Variants in CASZ1 observed in about 807,000 individuals in gnomAD.
CASZ1 encodes castor zinc finger 1.
Under a neutral mutation model 135.2 loss-of-function variants are expected in CASZ1, and 28 were observed. The ratio of observed to expected loss-of-function variants is 0.21; its 90% CI spans 0.15 to 0.28. The LOEUF (loss-of-function observed/expected upper bound fraction) is 0.28, where lower values mean the gene tolerates loss of function less well. CASZ1 is among the 10% of genes least tolerant of loss of function. The probability of loss-of-function intolerance (pLI) is 1.00; values close to 1 mark genes in which losing one functional copy is unlikely to be tolerated. For missense variants in CASZ1, 2,161 were observed against 2,453.3 expected (o/e 0.88, Z 2.52); for synonymous variants, 1,068 against 1,073.4 (o/e 0.99, Z 0.10).
intron 5 of CASZ1, among the ~76,000 whole-genome samples, chr1:10,663,782 G>A (rs765882420): frequency 4.6e-5 from 7 of 152,224 alleles, no homozygotes; most frequent in Non-Finnish European, 8.8e-5. Context: ...TCCCAGTGTC[G>A]GGCTGAGGGG....
In CASZ1 at chr1:10,747,819, T is replaced by A. The variant is rs950243295; in HGVS notation, c.-77+12882A>T. Among the ~76,000 whole-genome samples the A allele has an allele frequency of 1.5e-5, 1 of 68,624 alleles. No individual in the cohort carries two copies. Among genetic ancestry groups the A allele is most frequent in the Non-Finnish European group, 2.9e-5 (1 of 34,998 alleles). The allele number at this position is 68,624 out of a possible 152,430, so 45.0% of individuals were successfully genotyped here. A position where few individuals can be genotyped will look rare whatever the true frequency, so the allele number is the denominator to read the frequency against. ...GTACACTGTGCTCACCTGCCTGACT[T>A]TTTTTTTTTTTTTTTGAGATGGAGT... On this transcript the variant is annotated intron_variant, in intron 2 of 20. Transcript: ENST00000377022. The surrounding 1 kb of genome is among the most constrained non-coding windows in gnomAD (Gnocchi z 4.3).
intron 1 of CASZ1, among the ~76,000 whole-genome samples, chr1:10,783,114 G>A (rs1024339399): frequency 3.3e-5 from 5 of 152,282 alleles, no homozygotes; most frequent in South Asian, 4.1e-4. Context: ...CAACACACAC[G>A]GCCCTCCCGG....
chr1:10,792,564 C>T (rs1440986179), intron 1 of CASZ1, among the ~76,000 whole-genome samples: 1 of 151,920 alleles, frequency 6.6e-6, no homozygotes, highest in Admixed American at 6.6e-5. Flanking sequence ...AATGCAATCG[C>T]TTTGTATCAT....
intron 1 of CASZ1, among the ~76,000 whole-genome samples, chr1:10,763,923 C>T (rs928616778): frequency 6.6e-6 from 1 of 152,272 alleles, no homozygotes; most frequent in Non-Finnish European, 1.5e-5. Context: ...AGTGCAGTGG[C>T]GCAATCTCGG....
At chr1:10,734,494 G>A (rs1350809981) in intron 2 of CASZ1, among the ~76,000 whole-genome samples, 1 of 152,088 alleles carries the variant, frequency 6.6e-6, no homozygotes, top group Non-Finnish European at 1.5e-5. Context: ...CTGCATCTCG[G>A]GAATTCTCTA....
chr1:10,783,123 G>A (rs982731447), intron 1 of CASZ1, among the ~76,000 whole-genome samples: 5 of 152,162 alleles, frequency 3.3e-5, no homozygotes, highest in Admixed American at 2.0e-4. Flanking sequence ...CGGCCCTCCC[G>A]GGGCCACCGG....
At chr1:10,712,545 G>T (rs1343720621) in intron 2 of CASZ1, among the ~76,000 whole-genome samples, 1 of 152,136 alleles carries the variant, frequency 6.6e-6, no homozygotes, top group East Asian at 1.9e-4. Flanking sequence ...CAAGCCAGGG[G>T]GGTGGGTAGG....
In CASZ1 at chr1:10,725,427, T is replaced by C. The variant is rs146485092; in HGVS notation, c.-76-19883A>G. On this transcript the variant is annotated intron_variant, in intron 2 of 20. Coordinates refer to ENST00000377022, the MANE Select transcript of CASZ1 (RefSeq NM_001079843.3). The surrounding 1 kb of genome is among the most constrained non-coding windows in gnomAD (Gnocchi z 4.4). ...AAGCTCCATATTTTTCCTTGTCGAT[T>C]GAAGAGACACACTTTCCTCTTTGCC... Among the ~76,000 whole-genome samples, 396 of 152,346 alleles carry C rather than the reference T, an allele frequency of 2.6e-3. No individual in the cohort carries two copies. Among genetic ancestry groups the C allele is most frequent in the African/African-American group, 8.9e-3 (369 of 41,576 alleles).
Position 10,676,451 on chromosome 1 carries a change from C to T in CASZ1, c.17-10880G>A, listed in dbSNP as rs1051862447. On this transcript the variant is annotated intron_variant, in intron 4 of 20. Transcript: ENST00000377022. This position sits in a 1 kb window ranked among gnomAD's most constrained non-coding sequence, Gnocchi z 4.5. ...ACCTTTCAACAGAACATCCCCAATG[C>T]AGGCTCTTCCCACCAGGACAAAGAA... is the stretch of plus-strand genomic sequence containing the variant. 2.0e-5 allele frequency among the ~76,000 whole-genome samples: 3 copies of T among 152,190 alleles called. No homozygotes were observed. The highest frequency in any genetic ancestry group is 2.9e-5 in the Non-Finnish European group (2 of 68,034).
In CASZ1 at chr1:10,642,802, G is replaced by A. The variant is rs1271690066; in HGVS notation, c.4162+57C>T. 7 of 1,586,652 alleles carry A rather than the reference G, an allele frequency of 4.4e-6. No homozygotes were observed. The African/African-American group carries it at 5.4e-5, about 12-fold the overall frequency. ...CTTCTGTCCCAAGCTGCACCCAGCG[G>A]TGCTGGGCTTTGGGAGTGGGGCCTG... On this transcript the variant is annotated intron_variant, in intron 20 of 20. Transcript: ENST00000377022.
chr1:10,682,609 A>C lies in CASZ1; in HGVS notation c.16+11265T>G, dbSNP rs72858589. On this transcript the variant is annotated intron_variant, in intron 4 of 20. Transcript: ENST00000377022. ...TGCCGGGACTGAGAACCCTGAACAGAAATGTCACCGCTTGTCATGTTTAAT... is the reference window on the plus strand; with the variant it reads ...TGCCGGGACTGAGAACCCTGAACAGCAATGTCACCGCTTGTCATGTTTAAT... Among the ~76,000 whole-genome samples the C allele has an allele frequency of 3.0e-3, 462 of 152,358 alleles. 5 individuals carry two copies. Among genetic ancestry groups the C allele is most frequent in the African/African-American group, 0.011 (437 of 41,588 alleles).
chr1:10,671,365 C>T (rs957636234), intron 4 of CASZ1, among the ~76,000 whole-genome samples: 17 of 152,186 alleles, frequency 1.1e-4, no homozygotes, highest in Non-Finnish European at 2.4e-4. Context: ...TGTACAATCC[C>T]GTTATATTCA....
chr1:10,787,165 A>G (rs1436558463), intron 1 of CASZ1, among the ~76,000 whole-genome samples: 1 of 152,232 alleles, frequency 6.6e-6, no homozygotes, highest in Non-Finnish European at 1.5e-5. Flanking sequence ...CAAGAGAGGA[A>G]ACTGAGGCCC....
rs911662351 is a variant in CASZ1, at chr1:10,717,784, C to G, written c.-76-12240G>C. Among the ~76,000 whole-genome samples, 1 of 152,030 alleles carries G rather than the reference C, an allele frequency of 6.6e-6. No individual in the cohort carries two copies. Among genetic ancestry groups the G allele is most frequent in the Admixed American group, 6.5e-5 (1 of 15,272 alleles). ...GGCTTCCTGACCCAACTCTGGAAGC[C>G]GAAGGGAGCTATGAATAGAGACGTC... On this transcript the variant is annotated intron_variant, in intron 2 of 20. Coordinates refer to ENST00000377022, the MANE Select transcript of CASZ1 (RefSeq NM_001079843.3). The surrounding 1 kb of genome is among the most constrained non-coding windows in gnomAD (Gnocchi z 4.6).
Position 10,653,427 on chromosome 1 carries a change from A to G in CASZ1, c.2630T>C (p.Met877Thr), listed in dbSNP as rs769271310. The change falls in exon 11 of 21, where the codon ATG becomes ACG. Residue 877 changes from methionine to threonine, a missense_variant. By Grantham distance (81) the Met-to-Thr change is moderately conservative. Transcript: ENST00000377022. The stretch of plus-strand genomic sequence containing the variant: ...GAGGGCAGCTGCAGCCAGCCTGGCC[A>G]TCATGGGCGAGATGAGGCCCTTGCT... ...SASKGLISPM[M>T]ARLAAAALKP... 1.2e-6 allele frequency: 2 copies of G among 1,613,366 alleles called. No individual in the cohort carries two copies. Among genetic ancestry groups the G allele is most frequent in the Admixed American group, 3.3e-5 (2 of 60,024 alleles).
Position 10,639,943 on chromosome 1 carries a change from C to G in CASZ1, c.4279G>C (p.Glu1427Gln). ...KTASSRKMLD[E>Q]GMMLEGFRRF... ...CGGAAGCCCTCCAGCATCATGCCCT[C>G]GTCCAGCATCTTCCGGGAGGACGCC... Residue 1427 changes from glutamate (E) to glutamine (Q), a missense_variant, in exon 21 of 21, where the codon GAG (glutamate) becomes CAG (glutamine). Glu to Gln is a conservative substitution (Grantham distance 29). Transcript: ENST00000377022. The surrounding 1 kb of genome is among the most constrained non-coding windows in gnomAD (Gnocchi z 4.0). The G allele has an allele frequency of 3.1e-6, 5 of 1,612,950 alleles. No individual in the cohort carries two copies. The highest frequency in any genetic ancestry group is 4.2e-6 in the Non-Finnish European group (5 of 1,180,016).
chr1:10,770,962 G>A (rs1197946576), intron 1 of CASZ1, among the ~76,000 whole-genome samples: 2 of 152,090 alleles, frequency 1.3e-5, no homozygotes, highest in Non-Finnish European at 2.9e-5. Context: ...AAGGAGAGAC[G>A]TGCTTTTCCC....
chr1:10,656,237 C>T (rs1642793071), intron 8 of CASZ1, among the ~76,000 whole-genome samples: 1 of 152,256 alleles, frequency 6.6e-6, no homozygotes, highest in African/African-American at 2.4e-5. Context: ...CCCGCGCTCA[C>T]TGGCGGGCAG....
At position 10,725,101 on chromosome 1, in the gene CASZ1, G is replaced by C. The variant is rs1000391780; in HGVS notation, c.-76-19557C>G. Among the ~76,000 whole-genome samples the C allele has an allele frequency of 1.3e-5, 2 of 152,214 alleles. No homozygotes were observed. Among genetic ancestry groups the C allele is most frequent in the African/African-American group, 4.8e-5 (2 of 41,458 alleles). On this transcript the variant is annotated intron_variant, in intron 2 of 20. Coordinates refer to ENST00000377022, the MANE Select transcript of CASZ1 (RefSeq NM_001079843.3). This position sits in a 1 kb window ranked among gnomAD's most constrained non-coding sequence, Gnocchi z 4.4. ...GTGGCTGTTCTTCCCTGGAGGGAGG[G>C]GGCTTGGGCTCCCCTCGGTGGGGGT...
Sources: gnomAD v4.1 joint callset for allele counts (sites outside exome capture counted in the v4.1 genomes callset) on GRCh38, gnomAD v4.1.1 for gene constraint, Gnocchi (gnomAD v3.1) non-coding constraint, MANE v1.5 for transcripts, NCBI Gene and HGNC (gene_info 2026-07-23, HGNC 2026-07-21) for gene names.